ZBTB16: variants seen among roughly 807,000 people sequenced by gnomAD.
The protein encoded by ZBTB16 is zinc finger and BTB domain containing 16, also known as zinc finger and BTB domain-containing protein 16.
In ZBTB16, 8 loss-of-function variants were observed where a neutral mutation model predicts 56.8. That is an observed-to-expected ratio of 0.14 (90% CI 0.08 to 0.25). The LOEUF is 0.25. Among genes scored for constraint, ZBTB16 ranks in the 10% least tolerant of loss-of-function variants. The pLI, the probability that ZBTB16 is intolerant of heterozygous loss-of-function variation, is 1.00. For missense variants in ZBTB16, 625 were observed against 903.0 expected (o/e 0.69, Z 3.95); for synonymous variants, 363 against 368.5 (o/e 0.98, Z 0.17).
Position 114,105,665 on chromosome 11 carries a change from GT to G in ZBTB16, c.1268+41100del, listed in dbSNP as rs772004117. On this transcript the variant is annotated intron_variant, in intron 2 of 6. Coordinates refer to ENST00000335953, the MANE Select transcript of ZBTB16 (RefSeq NM_006006.6). ...GTCCCCTCCCTGAGTTCCCTCGTTT[GT>G]TTGTAAACTGCTTAAATGAACTTTT... Among the ~76,000 whole-genome samples, 104 of 152,302 alleles carry G rather than the reference GT, an allele frequency of 6.8e-4. 2 individuals are homozygous for G. The highest frequency in any genetic ancestry group is 3.4e-3 in the Middle Eastern group (1 of 294).
intron 4 of ZBTB16, among the ~76,000 whole-genome samples, chr11:114,233,499 A>G (rs1232186653): frequency 1.3e-5 from 2 of 152,056 alleles, no homozygotes; most frequent in Admixed American, 1.3e-4. Flanking sequence ...GCAGCGTAGG[A>G]GGTAGATTGA....
intron 3 of ZBTB16, among the ~76,000 whole-genome samples, chr11:114,170,545 A>G (rs998102460): frequency 2.0e-5 from 3 of 152,084 alleles, no homozygotes; most frequent in Non-Finnish European, 4.4e-5. Flanking sequence ...ACTTTTCCCC[A>G]GTAGTTAACG....
intron 2 of ZBTB16, among the ~76,000 whole-genome samples, chr11:114,141,467 C>A (rs1050083043): frequency 6.6e-6 from 1 of 152,256 alleles, no homozygotes; most frequent in Non-Finnish European, 1.5e-5. Flanking sequence ...TGGCCAGGGA[C>A]AGGGGCCTTT....
Position 114,063,185 on chromosome 11 carries a change from G to A in ZBTB16, c.-90-26G>A, listed in dbSNP as rs1938951286. ...TGTCTTTTGTTCTCTCATCTCTTTT[G>A]CTTCTTCCCCTCTTCTTTCTCCTAG... On this transcript the variant is annotated intron_variant, in intron 1 of 6. Coordinates refer to ENST00000335953, the MANE Select transcript of ZBTB16 (RefSeq NM_006006.6). This position sits in a 1 kb window ranked among gnomAD's most constrained non-coding sequence, Gnocchi z 6.5. 8.6e-7 allele frequency: 1 copy of A among 1,164,560 alleles called. No homozygotes were observed. The highest frequency in any genetic ancestry group is 1.2e-6 in the Non-Finnish European group (1 of 811,958). The allele number at this position is 1,164,560 out of a possible 1,614,324, so 72.1% of individuals were successfully genotyped here.
chr11:114,250,593 G>GGAAAGAAGAGTTGGAGTGAGAT lies in ZBTB16; in HGVS notation c.*42_*63dup. 1.9e-6 allele frequency: 3 copies of GGAAAGAAGAGTTGGAGTGAGAT among 1,602,884 alleles called. No individual in the cohort carries two copies. In the South Asian group the frequency reaches 3.3e-5, roughly 18 times the overall value. Reference sequence around the variant, plus strand: ...GGCGGTGGAGCCGAGCGGGGAGCCAGGAAAGAAGAGTTGGAGTGAGATGAA... The same window carrying GGAAAGAAGAGTTGGAGTGAGAT: ...GGCGGTGGAGCCGAGCGGGGAGCCAGGAAAGAAGAGTTGGAGTGAGATGAAAGAAGAGTTGGAGTGAGATGAA... On this transcript the variant is annotated 3_prime_UTR_variant, in exon 7 of 7. Transcript: ENST00000335953. The surrounding 1 kb of genome is among the most constrained non-coding windows in gnomAD (Gnocchi z 6.0).
chr11:114,180,160 C>G (rs1012033113), intron 3 of ZBTB16, among the ~76,000 whole-genome samples: 1 of 152,134 alleles, frequency 6.6e-6, no homozygotes, highest in Admixed American at 6.5e-5. Context: ...CCCCAACCTT[C>G]TGGAGGTGTC....
intron 1 of ZBTB16, among the ~76,000 whole-genome samples, chr11:114,061,180 A>G (rs1938841857): frequency 6.6e-6 from 1 of 151,478 alleles, no homozygotes; most frequent in Non-Finnish European, 1.5e-5. Context: ...CGATCCCCGG[A>G]GCTCGGGCGG....
chr11:114,174,756 G>A (rs529744924), intron 3 of ZBTB16, among the ~76,000 whole-genome samples: 1 of 152,368 alleles, frequency 6.6e-6, no homozygotes, highest in South Asian at 2.1e-4. Flanking sequence ...CTGTATGCAA[G>A]TTATCTGCTG....
At chr11:114,192,226 G>C (rs1055355672) in intron 4 of ZBTB16, among the ~76,000 whole-genome samples, 1 of 152,214 alleles carries the variant, frequency 6.6e-6, no homozygotes, top group East Asian at 1.9e-4. Context: ...TGGACTTGCT[G>C]TGTGACAGCT....
intron 4 of ZBTB16, among the ~76,000 whole-genome samples, chr11:114,204,671 G>A (rs1186149116): frequency 1.3e-5 from 2 of 152,096 alleles, no homozygotes; most frequent in African/African-American, 4.8e-5. Flanking sequence ...GGCAGGAGAA[G>A]TGGCTAACAG....
intron 2 of ZBTB16, among the ~76,000 whole-genome samples, chr11:114,077,152 T>C (rs1939599521): frequency 6.6e-6 from 1 of 152,216 alleles, no homozygotes; most frequent in Non-Finnish European, 1.5e-5. Flanking sequence ...CTGTGTAAAT[T>C]AGCCTATTCC....
chr11:114,135,601 C>T (rs981259278), intron 2 of ZBTB16, among the ~76,000 whole-genome samples: 1 of 152,100 alleles, frequency 6.6e-6, no homozygotes, highest in Non-Finnish European at 1.5e-5. Flanking sequence ...TCTCCTTGAC[C>T]CTCCAGAAGC....
At chr11:114,125,340 G>C (rs988641657) in intron 2 of ZBTB16, among the ~76,000 whole-genome samples, 7 of 152,138 alleles carry the variant, frequency 4.6e-5, no homozygotes, top group Admixed American at 4.6e-4. Context: ...ATTTTTAATA[G>C]TTTGCCCCAC....
At chr11:114,079,535 C>A (rs995202256) in intron 2 of ZBTB16, among the ~76,000 whole-genome samples, 10 of 152,210 alleles carry the variant, frequency 6.6e-5, no homozygotes, top group Non-Finnish European at 1.3e-4. Flanking sequence ...TAAATGATTG[C>A]TTAATCCTGT....
At chr11:114,155,462 TTGG>T (rs1203660647) in intron 2 of ZBTB16, among the ~76,000 whole-genome samples, 1 of 113,216 alleles carries the variant, frequency 8.8e-6, no homozygotes, top group African/African-American at 5.3e-5. Flanking sequence ...AGGCCCCGGG[TTGG>T]GGGTTGGGAG....
Position 114,121,532 on chromosome 11 carries a change from C to T in ZBTB16, c.1269-34805C>T, listed in dbSNP as rs771598032. The stretch of plus-strand genomic sequence containing the variant: ...ACCATGGCTATTTCAGGATCCCACT[C>T]ATACTGCTGCCATTGGTTGAATGCT... On this transcript the variant is annotated intron_variant, in intron 2 of 6. Transcript: ENST00000335953. 8.2e-4 allele frequency among the ~76,000 whole-genome samples: 125 copies of T among 152,298 alleles called. 1 individual carries two copies. The highest frequency in any genetic ancestry group is 1.1e-3 in the Non-Finnish European group (75 of 68,016).
intron 2 of ZBTB16, among the ~76,000 whole-genome samples, chr11:114,097,496 A>G (rs1276543664): frequency 6.6e-6 from 1 of 152,234 alleles, no homozygotes; most frequent in Non-Finnish European, 1.5e-5. Flanking sequence ...AATGTATTTT[A>G]TGTTAATTGC....
intron 2 of ZBTB16, among the ~76,000 whole-genome samples, chr11:114,129,857 C>T (rs1322732885): frequency 6.6e-6 from 1 of 152,192 alleles, no homozygotes; most frequent in Non-Finnish European, 1.5e-5. Context: ...ATGGGCTTCT[C>T]CCCCCTCCTT....
intron 4 of ZBTB16, among the ~76,000 whole-genome samples, chr11:114,234,362 A>G (rs1284072111): frequency 6.6e-6 from 1 of 152,226 alleles, no homozygotes; most frequent in African/African-American, 2.4e-5. Context: ...CTCAAAGCTA[A>G]TTGAGTTTGA....
Sources: gnomAD v4.1 joint callset for allele counts (sites outside exome capture counted in the v4.1 genomes callset) on GRCh38, gnomAD v4.1.1 for gene constraint, Gnocchi (gnomAD v3.1) non-coding constraint, MANE v1.5 for transcripts, NCBI Gene and HGNC (gene_info 2026-07-23, HGNC 2026-07-21) for gene names.